Variants in TTC24 observed in about 807,000 individuals in gnomAD.
TTC24 encodes the protein tetratricopeptide repeat protein 24.
Under a neutral mutation model 63.3 loss-of-function variants are expected in TTC24, and 54 were observed. The ratio of observed to expected loss-of-function variants is 0.85; its 90% confidence interval spans 0.69 to 1.07. The LOEUF is 1.07. Among genes scored for constraint, TTC24 ranks in the 50% least tolerant of loss-of-function variants. TTC24 has a pLI of 0.00. For missense variants in TTC24, 680 were observed against 730.5 expected (o/e 0.93, Z 0.80); for synonymous variants, 276 against 304.3 (o/e 0.91, Z 0.97).
rs980648531 is a variant in TTC24, at chr1:156,583,856, G to C, written c.1212G>C (p.Thr404=). The part of the protein sequence containing the change: ...LVAKLADTVR[T]RLAQVGLVQT... ...CCAAGCTGGCAGACACCGTGAGGAC[G>C]CGCTTGGCCCAGGTGGGGCTGGTCC... is the stretch of plus-strand genomic sequence containing the variant. Residue 404 remains threonine (T), a synonymous_variant, in exon 6 of 11, where the codon ACG becomes ACC. Transcript: ENST00000368236. The surrounding 1 kb of genome is among the most constrained non-coding windows in gnomAD (Gnocchi z 4.0). 2.5e-6 allele frequency: 4 copies of C among 1,585,088 alleles called. No homozygotes were observed. In the Admixed American group the frequency reaches 7.3e-5, roughly 29 times the overall value.
At chr1:156,584,253 C>CT (rs975212865) in intron 6 of TTC24, among the ~76,000 whole-genome samples, 1 of 152,168 alleles carries the variant, frequency 6.6e-6, no homozygotes, top group African/African-American at 2.4e-5. Context: ...TCTCTCCCGT[C>CT]TTTAAGTCTC....
chr1:156,581,910 G>A lies in TTC24; in HGVS notation c.546G>A (p.Gln182=). 6.5e-7 allele frequency: 1 copy of A among 1,548,648 alleles called. No homozygotes were observed. Among genetic ancestry groups the A allele is most frequent in the South Asian group, 1.2e-5 (1 of 83,834 alleles). Residue 182 remains glutamine (Q), a synonymous_variant, in exon 2 of 11, where the codon CAG becomes CAA. Coordinates refer to ENST00000368236, the MANE Select transcript of TTC24 (RefSeq NM_001105669.4). Reference sequence around the variant, plus strand: ...CCCACTGCCTGCAGGAAGCAAGCCAGGCCTATGCTCAAGAGAGACAGCTGC... The same window carrying A: ...CCCACTGCCTGCAGGAAGCAAGCCAAGCCTATGCTCAAGAGAGACAGCTGC... ...LAAHCLQEAS[Q]AYAQERQLRA...
intron 8 of TTC24, chr1:156,585,444 T>A (rs1677130833): frequency 1.7e-6 from 1 of 597,632 alleles, no homozygotes; most frequent in East Asian, 2.8e-5. Context: ...TTTCTGCTTG[T>A]CTCTCAAGGC....
At position 156,585,232 on chromosome 1, in the gene TTC24, G is replaced by GTT. The variant is rs1557958732; in HGVS notation, c.1456+2_1456+3insTT. 6.2e-7 allele frequency: 1 copy of GTT among 1,608,256 alleles called. No individual in the cohort carries two copies. On this transcript the variant is annotated splice_donor_variant, in intron 8 of 10. Coordinates refer to ENST00000368236, the MANE Select transcript of TTC24 (RefSeq NM_001105669.4). LOFTEE classifies it high-confidence loss of function. ...AGGGCTGGGCCGGGAAGACCAGAGC[G>GTT]TGAGTTGATGTAGAGTATTCCTGGC... is the stretch of plus-strand genomic sequence containing the variant.
Position 156,582,419 on chromosome 1 carries a change from G to A in TTC24, c.895G>A (p.Ala299Thr), listed in dbSNP as rs765231683. The change falls in exon 3 of 11, where the codon GCT (alanine) becomes ACT (threonine). Residue 299 changes from alanine to threonine, a missense_variant. Coordinates refer to ENST00000368236, the MANE Select transcript of TTC24 (RefSeq NM_001105669.4). Reference sequence around the variant, plus strand: ...GGAAGCTCGGGAGTTTCACCAGAAGGCTGCTGACCTACACGGTGGGTGCCT... The same window carrying A: ...GGAAGCTCGGGAGTTTCACCAGAAGACTGCTGACCTACACGGTGGGTGCCT... ...YQEAREFHQKAADLHGSVGQR... is the reference protein window; with the variant it reads ...YQEAREFHQKTADLHGSVGQR... The A allele has an allele frequency of 1.2e-6, 2 of 1,613,896 alleles. No individual in the cohort carries two copies. The highest frequency in any genetic ancestry group is 2.2e-5 in the South Asian group (2 of 91,062).
At chr1:156,585,034 T>C in intron 7 of TTC24, 60 bp downstream of exon 7, 1 of 1,538,022 alleles carries the variant, frequency 6.5e-7, no homozygotes, top group Non-Finnish European at 8.8e-7. Context: ...TTGGGGGCTG[T>C]CGCAGTGGGG....
At position 156,581,484 on chromosome 1, in the gene TTC24, C is replaced by G; in HGVS notation, c.120C>G (p.Thr40=). The G allele has an allele frequency of 1.3e-6, 2 of 1,551,378 alleles. No individual in the cohort carries two copies. The highest frequency in any genetic ancestry group is 1.7e-6 in the Non-Finnish European group (2 of 1,146,774). ...LRQEASIQAL[T]RAGHGALQAG... is the part of the protein sequence containing the mutation. ...AAGAAGCCAGCATCCAAGCCCTCAC[C>G]AGGGCTGGCCATGGGGCCCTTCAGG... The change falls in exon 2 of 11, where the codon ACC becomes ACG. Residue 40 remains threonine (T), a synonymous_variant. Coordinates refer to ENST00000368236, the MANE Select transcript of TTC24 (RefSeq NM_001105669.4).
At position 156,581,792 on chromosome 1, in the gene TTC24, C is replaced by T; in HGVS notation, c.428C>T (p.Ala143Val). 6.4e-7 allele frequency: 1 copy of T among 1,551,638 alleles called. No individual in the cohort carries two copies. Among genetic ancestry groups the T allele is most frequent in the Non-Finnish European group, 8.7e-7 (1 of 1,147,000 alleles). ...CAAGCTTTGGCCTGGTACCACAGGG[C>T]CCTGGGCCACTACCAGCCACAGGGT... ...LPQALAWYHR[A>V]LGHYQPQGDQ... Residue 143 changes from alanine to valine, a missense_variant, in exon 2 of 11, where the codon GCC becomes GTC. Ala to Val is a moderately conservative substitution (Grantham distance 64). Coordinates refer to ENST00000368236, the MANE Select transcript of TTC24 (RefSeq NM_001105669.4).
chr1:156,582,630 G>A (rs960148195), intron 3 of TTC24, among the ~76,000 whole-genome samples, 196 bp downstream of exon 3: 20 of 152,292 alleles, frequency 1.3e-4, no homozygotes, highest in African/African-American at 3.6e-4. Flanking sequence ...CCCAGAGGCC[G>A]AGGCCTCAGG....
intron 8 of TTC24, 37 bp from the exon 9 acceptor site, chr1:156,585,676 T>C (rs769807936): frequency 6.8e-7 from 1 of 1,463,042 alleles, no homozygotes; most frequent in Non-Finnish European, 9.6e-7. Context: ...TTGCTACTTG[T>C]TGAGCTGACC....
intron 1 of TTC24, among the ~76,000 whole-genome samples, chr1:156,580,285 C>T (rs1024148284): frequency 6.6e-6 from 1 of 152,120 alleles, no homozygotes; most frequent in African/African-American, 2.4e-5. Flanking sequence ...CCTCCTCACC[C>T]TAGGGTCCCC....
rs1311760258 is a variant in TTC24 at position 156,586,654 on chromosome 1, A to G, written c.*104A>G. On this transcript the variant is annotated 3_prime_UTR_variant, in exon 11 of 11. Transcript: ENST00000368236. ...CCTCTTCCCAGTTGCTCAGCCCTGC[A>G]GGGATGTGGAACACAGTGCAGCCAG... 2 of 1,044,252 alleles carry G rather than the reference A, an allele frequency of 1.9e-6. No individual in the cohort carries two copies. The highest frequency in any genetic ancestry group is 2.6e-5 in the East Asian group (1 of 38,410). The allele number at this position is 1,044,252 out of a possible 1,614,324, so 64.7% of individuals were successfully genotyped here.
Position 156,581,698 on chromosome 1 carries a change from C to A in TTC24, c.334C>A (p.Gln112Lys). ...GCGAGCCCACCCTGAAGAGAAGGCA[C>A]AGGGCAGGCGACACGGCGACCAATG... The part of the protein sequence containing the change: ...LLRAHPEEKA[Q>K]GRRHGDQCFN... Residue 112 changes from glutamine (Q) to lysine (K), a missense_variant, in exon 2 of 11, where the codon CAG becomes AAG. Coordinates refer to ENST00000368236, the MANE Select transcript of TTC24 (RefSeq NM_001105669.4). 2 of 1,551,796 alleles carry A rather than the reference C, an allele frequency of 1.3e-6. No individual in the cohort carries two copies. Among genetic ancestry groups the A allele is most frequent in the Non-Finnish European group, 1.7e-6 (2 of 1,147,020 alleles).
In TTC24 at chr1:156,581,542, C is replaced by T; in HGVS notation, c.178C>T (p.Gln60Ter). The change falls in exon 2 of 11, where the codon CAG becomes TAG. Residue 60 changes from glutamine (Q) to a stop codon, truncating the protein, a stop_gained. Transcript: ENST00000368236. LOFTEE classifies it high-confidence loss of function. ...GQNHEALNNFQRAFLLASKAP... is the reference protein window; with the variant it reads ...GQNHEALNNF ...GAACCATGAAGCCTTGAACAACTTC[C>T]AGAGGGCCTTCCTTCTGGCCTCCAA... 6.4e-7 allele frequency: 1 copy of T among 1,551,326 alleles called. No individual in the cohort carries two copies.
At chr1:156,582,162 T>A (rs1677017183) in intron 2 of TTC24, 69 bp from the exon 3 acceptor site, 1 of 1,471,828 alleles carries the variant, frequency 6.8e-7, no homozygotes, top group South Asian at 1.4e-5. Flanking sequence ...CCTGGAGGAG[T>A]CGATAGGGGC....
intron 1 of TTC24, among the ~76,000 whole-genome samples, chr1:156,580,928 C>T (rs936974333): frequency 2.0e-5 from 3 of 152,198 alleles, no homozygotes; most frequent in Non-Finnish European, 2.9e-5. Flanking sequence ...AGAACTTTTT[C>T]ATCTCCTTTC....
Position 156,586,794 on chromosome 1 carries a change from G to A in TTC24, c.*244G>A. The A allele has an allele frequency of 2.7e-6, 1 of 368,306 alleles. No individual in the cohort carries two copies. Among genetic ancestry groups the A allele is most frequent in the Non-Finnish European group, 5.0e-6 (1 of 200,584 alleles). 22.8% of individuals were successfully genotyped at this position (368,306 alleles called of 1,614,324 possible). On this transcript the variant is annotated 3_prime_UTR_variant, in exon 11 of 11. Transcript: ENST00000368236. ...GTAAAAGAAAAAAGGAAAATGGATG[G>A]CAAATTCCCTGTCTTTCTGAATCCA... is the stretch of plus-strand genomic sequence containing the variant.
intron 8 of TTC24, 157 bp from the exon 9 acceptor site, chr1:156,585,556 G>C (rs544472091): frequency 1.6e-6 from 1 of 635,586 alleles, no homozygotes; most frequent in South Asian, 1.9e-5. Flanking sequence ...CCAGGGTTTT[G>C]CTGAAAGCCT....
intron 3 of TTC24, 130 bp from the exon 4 acceptor site, chr1:156,582,912 G>A (rs1339553085): frequency 1.7e-6 from 2 of 1,170,242 alleles, no homozygotes; most frequent in Non-Finnish European, 2.4e-6. Context: ...AGGCCTCTCG[G>A]ATGCATCTGG....
Sources: gnomAD v4.1 joint callset for allele counts (sites outside exome capture counted in the v4.1 genomes callset) on GRCh38, gnomAD v4.1.1 for gene constraint, Gnocchi (gnomAD v3.1) non-coding constraint, MANE v1.5 for transcripts, NCBI Gene and HGNC (gene_info 2026-07-23, HGNC 2026-07-21) for gene names.